Variants in CUEDC1 observed in about 807,000 individuals in gnomAD.
The protein encoded by CUEDC1 is CUE domain containing 1.
In CUEDC1, 30 loss-of-function variants were observed where a neutral mutation model predicts 43.7. The ratio of observed to expected loss-of-function variants is 0.69; its 90% CI spans 0.51 to 0.93. The LOEUF (loss-of-function observed/expected upper bound fraction) is 0.93, where lower values mean the gene tolerates loss of function less well. Ranked by LOEUF, CUEDC1 falls within the 40% of genes least tolerant of loss-of-function variation. The pLI is 0.00. For synonymous variants in CUEDC1, 223 were observed against 223.6 expected (o/e 1.00, Z 0.02); for missense variants, 486 against 549.0 (o/e 0.89, Z 1.15).
intron 1 of CUEDC1, among the ~76,000 whole-genome samples, chr17:57,888,341 C>T (rs1029859801): frequency 7.2e-5 from 11 of 152,202 alleles, no homozygotes; most frequent in African/African-American, 1.4e-4. Context: ...CGTAGGGCTA[C>T]GCCATCATTT....
At chr17:57,876,327 T>G (rs2074126286) in intron 3 of CUEDC1, among the ~76,000 whole-genome samples, 1 of 152,152 alleles carries the variant, frequency 6.6e-6, no homozygotes, top group Non-Finnish European at 1.5e-5. Context: ...CCTCCAGGCC[T>G]CTGCAAGTGC....
At chr17:57,866,208 C>G (rs1364885518) in intron 10 of CUEDC1, among the ~76,000 whole-genome samples, 1 of 152,192 alleles carries the variant, frequency 6.6e-6, no homozygotes, top group Non-Finnish European at 1.5e-5. Context: ...AAGGTCAAAG[C>G]TGATTTTGTT....
At chr17:57,882,296 C>T (rs2074218179) in intron 2 of CUEDC1, among the ~76,000 whole-genome samples, 1 of 138,912 alleles carries the variant, frequency 7.2e-6, no homozygotes, top group Non-Finnish European at 1.6e-5. Context: ...GGCAGAGTTC[C>T]AAAGGTGGGG....
chr17:57,948,405 C>G (rs575359672), intron 1 of CUEDC1, among the ~76,000 whole-genome samples: 6 of 152,182 alleles, frequency 3.9e-5, no homozygotes, highest in African/African-American at 1.4e-4. Flanking sequence ...AGGAACATTG[C>G]GGGCCAGGGT....
chr17:57,934,855 GC>G (rs1453816682), intron 1 of CUEDC1, among the ~76,000 whole-genome samples: 1 of 152,008 alleles, frequency 6.6e-6, no homozygotes, highest in Non-Finnish European at 1.5e-5. Flanking sequence ...TTACAGGCAT[GC>G]CCCACCATGC....
chr17:57,866,991 G>C, intron 9 of CUEDC1: 1 of 379,182 alleles, frequency 2.6e-6, no homozygotes. Flanking sequence ...AAGTTGAGAA[G>C]CCTCTGGGCC....
At chr17:57,892,243 AG>A (rs1458686051) in intron 1 of CUEDC1, among the ~76,000 whole-genome samples, 1 of 152,228 alleles carries the variant, frequency 6.6e-6, no homozygotes, top group East Asian at 1.9e-4. Flanking sequence ...AAGGGGTCTG[AG>A]GCCAAGGCAG....
chr17:57,905,772 T>C (rs1389021591), intron 1 of CUEDC1, among the ~76,000 whole-genome samples: 2 of 152,118 alleles, frequency 1.3e-5, no homozygotes, highest in East Asian at 1.9e-4. Context: ...TGGATGTCCA[T>C]GTGTACACTT....
At chr17:57,935,792 G>T (rs1417070835) in intron 1 of CUEDC1, among the ~76,000 whole-genome samples, 2 of 152,136 alleles carry the variant, frequency 1.3e-5, no homozygotes, top group African/African-American at 4.8e-5. Flanking sequence ...TCCTTCCTAG[G>T]GGACCCTACT....
At chr17:57,918,031 G>A (rs1203265324) in intron 1 of CUEDC1, among the ~76,000 whole-genome samples, 1 of 152,216 alleles carries the variant, frequency 6.6e-6, no homozygotes, top group African/African-American at 2.4e-5. Flanking sequence ...TCACTGAGAG[G>A]AGCTGAGAAG....
At chr17:57,875,945 C>G (rs577318699) in intron 3 of CUEDC1, among the ~76,000 whole-genome samples, 3 of 152,032 alleles carry the variant, frequency 2.0e-5, no homozygotes, top group Non-Finnish European at 4.4e-5. Flanking sequence ...AACCTGGGCC[C>G]AGGGATTGTG....
intron 10 of CUEDC1, among the ~76,000 whole-genome samples, chr17:57,865,028 G>A (rs947701118): frequency 6.6e-6 from 1 of 152,214 alleles, no homozygotes; most frequent in African/African-American, 2.4e-5. Context: ...CTGCACTCCA[G>A]CCTGGGCAAC....
chr17:57,886,991 T>G (rs1187295862), intron 1 of CUEDC1, among the ~76,000 whole-genome samples: 1 of 151,882 alleles, frequency 6.6e-6, no homozygotes, highest in Admixed American at 6.6e-5. Flanking sequence ...GCTAATTTTT[T>G]TTTGTATTTT....
intron 1 of CUEDC1, among the ~76,000 whole-genome samples, chr17:57,899,100 G>A (rs1234755289): frequency 6.6e-6 from 1 of 152,194 alleles, no homozygotes; most frequent in Non-Finnish European, 1.5e-5. Context: ...GGCTGGCCCA[G>A]GGCTGAGCTT....
chr17:57,869,549 C>A (rs1398155120), intron 6 of CUEDC1, among the ~76,000 whole-genome samples: 1 of 152,184 alleles, frequency 6.6e-6, no homozygotes, highest in Non-Finnish European at 1.5e-5. Context: ...ATATCAGGCT[C>A]CCGCTGCACC....
chr17:57,916,896 AGG>A (rs113656477), intron 1 of CUEDC1, among the ~76,000 whole-genome samples: 32 of 152,076 alleles, frequency 2.1e-4, no homozygotes, highest in African/African-American at 7.5e-4. Context: ...CAGGAGGAGG[AGG>A]GGGTCAAGGG....
chr17:57,872,972 G>T, intron 4 of CUEDC1, 117 bp from the exon 5 acceptor site: 1 of 943,488 alleles, frequency 1.1e-6, no homozygotes, highest in Non-Finnish European at 1.6e-6. Context: ...CCTCACCTGA[G>T]GCTCACACCT....
At position 57,868,154 on chromosome 17, in the gene CUEDC1, G is replaced by A; in HGVS notation, c.1030C>T (p.Gln344Ter). ...KSKRKHLLKH[Q>*]SLGAAASTAN... Reference sequence around the variant, plus strand: ...GTGCCAGGCTGGAAAGGATACGACTGATGCTTCAACAAGTGTTTCCTCTTT... The same window carrying A: ...GTGCCAGGCTGGAAAGGATACGACTAATGCTTCAACAAGTGTTTCCTCTTT... Residue 344 changes from glutamine to a stop codon, truncating the protein, a stop_gained, in exon 8 of 11, where the codon CAG becomes TAG. Transcript: ENST00000577830. LOFTEE classifies it high-confidence loss of function. The A allele has an allele frequency of 3.1e-6, 5 of 1,613,652 alleles. No homozygotes were observed. Among genetic ancestry groups the A allele is most frequent in the Non-Finnish European group, 2.5e-6 (3 of 1,179,532 alleles).
chr17:57,889,308 G>A (rs1469264447), intron 1 of CUEDC1, among the ~76,000 whole-genome samples: 5 of 152,188 alleles, frequency 3.3e-5, no homozygotes, highest in Non-Finnish European at 7.3e-5. Context: ...TGCCCTCACA[G>A]GGGGGATGGG....
Sources: gnomAD v4.1 joint callset for allele counts (sites outside exome capture counted in the v4.1 genomes callset) on GRCh38, gnomAD v4.1.1 for gene constraint, MANE v1.5 for transcripts, NCBI Gene and HGNC (gene_info 2026-07-23, HGNC 2026-07-21) for gene names.